Variants in SLC17A8 observed in about 807,000 individuals in gnomAD.
SLC17A8 encodes solute carrier family 17 member 8.
A neutral mutation model predicts 58.0 loss-of-function variants in SLC17A8; 31 were observed. The ratio of observed to expected loss-of-function variants is 0.53; its 90% CI spans 0.40 to 0.72. The LOEUF (loss-of-function observed/expected upper bound fraction) is 0.72, where lower values mean the gene tolerates loss of function less well. SLC17A8 is among the 30% of genes least tolerant of loss of function. SLC17A8 has a pLI of 0.00. For missense variants in SLC17A8, 655 were observed against 727.8 expected (o/e 0.90, Z 1.15); for synonymous variants, 228 against 249.0 (o/e 0.92, Z 0.79).
At position 100,420,427 on chromosome 12, in the gene SLC17A8, A is replaced by T; in HGVS notation, c.*268A>T. 1 of 411,700 alleles carries T rather than the reference A, an allele frequency of 2.4e-6. No individual in the cohort carries two copies. The highest frequency in any genetic ancestry group is 2.0e-5 in the African/African-American group (1 of 50,430). The allele number at this position is 411,700 out of a possible 1,614,324, so 25.5% of individuals were successfully genotyped here. A position where few individuals can be genotyped will look rare whatever the true frequency, so the allele number is the denominator to read the frequency against. On this transcript the variant is annotated 3_prime_UTR_variant, in exon 12 of 12. Coordinates refer to ENST00000323346, the MANE Select transcript of SLC17A8 (RefSeq NM_139319.3). ...AGCTAAACTTATTCAGAAAGGAATG[A>T]CTAGAAGAAAAAGGAGACAATACCA...
rs560354278 is a variant in SLC17A8 at position 100,367,544 on chromosome 12, C to A, written c.101+10052C>A. Among the ~76,000 whole-genome samples, 7 of 152,130 alleles carry A rather than the reference C, an allele frequency of 4.6e-5. No homozygotes were observed. In the South Asian group the frequency reaches 1.2e-3, roughly 27 times the overall value. ...CTCCTGGAATGGATAATTTTTTATTCTTTTATTTATTTATTTATTTATTTG... is the reference window on the plus strand; with the variant it reads ...CTCCTGGAATGGATAATTTTTTATTATTTTATTTATTTATTTATTTATTTG... On this transcript the variant is annotated intron_variant, in intron 1 of 11. Transcript: ENST00000323346.
chr12:100,373,707 C>A (rs1348090808), intron 1 of SLC17A8, among the ~76,000 whole-genome samples: 1 of 151,816 alleles, frequency 6.6e-6, no homozygotes, highest in Non-Finnish European at 1.5e-5. Flanking sequence ...GCCTCAGCCT[C>A]CCGAGTAGCT....
At chr12:100,402,529 T>A (rs781210409) in intron 7 of SLC17A8, 50 bp downstream of exon 7, 41 of 1,613,192 alleles carry the variant, frequency 2.5e-5, no homozygotes, top group Non-Finnish European at 3.5e-5. Flanking sequence ...TAAGTGATTG[T>A]GTTGCCTTCT....
At chr12:100,361,838 A>G (rs1952486916) in intron 1 of SLC17A8, among the ~76,000 whole-genome samples, 2 of 152,108 alleles carry the variant, frequency 1.3e-5, no homozygotes, top group African/African-American at 4.8e-5. Context: ...GCATGTGCCT[A>G]TAGTCGTAGC....
chr12:100,370,754 T>G (rs1952553809), intron 1 of SLC17A8, among the ~76,000 whole-genome samples: 1 of 152,224 alleles, frequency 6.6e-6, no homozygotes, highest in South Asian at 2.1e-4. Context: ...GAGACTATCT[T>G]TTTTTCCTCT....
At chr12:100,379,429 C>T (rs1445100195) in intron 1 of SLC17A8, among the ~76,000 whole-genome samples, 33 of 92,386 alleles carry the variant, frequency 3.6e-4, no homozygotes, top group African/African-American at 1.6e-3. Context: ...ACCGAGATTC[C>T]GTCCCCAAAA....
At chr12:100,401,702 C>T in intron 5 of SLC17A8, 75 bp from the exon 6 acceptor site, 1 of 1,192,516 alleles carries the variant, frequency 8.4e-7, no homozygotes, top group South Asian at 1.2e-5. Context: ...CCTGACTTTA[C>T]CATATGAATT....
chr12:100,390,913 G>A lies in SLC17A8; in HGVS notation c.355-88G>A, dbSNP rs11568532. 47 of 853,100 alleles carry A rather than the reference G, an allele frequency of 5.5e-5. 1 individual carries two copies. The Middle Eastern group carries it at 6.6e-4, about 12-fold the overall frequency. 52.8% of individuals were successfully genotyped at this position (853,100 alleles called of 1,614,324 possible). A position where few individuals can be genotyped will look rare whatever the true frequency, so the allele number is the denominator to read the frequency against. On this transcript the variant is annotated intron_variant, in intron 2 of 11. Transcript: ENST00000323346. ...ATAAATGAAAAAAGAAAGACCTCAT[G>A]AGGTAATTATTGTGTAGGCTCATTG... is the stretch of plus-strand genomic sequence containing the variant.
intron 10 of SLC17A8, among the ~76,000 whole-genome samples, chr12:100,416,380 T>C (rs1657536807): frequency 6.6e-6 from 1 of 152,242 alleles, no homozygotes; most frequent in South Asian, 2.1e-4. Flanking sequence ...CTTGCAGCTG[T>C]TTTATATTCT....
At chr12:100,361,909 C>A (rs771007443) in intron 1 of SLC17A8, among the ~76,000 whole-genome samples, 2 of 151,030 alleles carry the variant, frequency 1.3e-5, no homozygotes, top group Non-Finnish European at 3.0e-5. Flanking sequence ...TGCAGTGAGC[C>A]GAGATCACAC....
At chr12:100,409,273 C>T (rs1363513030) in intron 9 of SLC17A8, among the ~76,000 whole-genome samples, 1 of 152,060 alleles carries the variant, frequency 6.6e-6, no homozygotes, top group South Asian at 2.1e-4. Flanking sequence ...GCAACCTCCA[C>T]CTCCCGGTTT....
chr12:100,397,250 T>C (rs1409875155), intron 5 of SLC17A8, among the ~76,000 whole-genome samples: 1 of 152,212 alleles, frequency 6.6e-6, no homozygotes, highest in African/African-American at 2.4e-5. Context: ...TCTTTTTATA[T>C]GAAACTAAAG....
At position 100,396,426 on chromosome 12, in the gene SLC17A8, A is replaced by G. The variant is rs1037725494; in HGVS notation, c.676+9A>G. 1.2e-6 allele frequency: 2 copies of G among 1,611,312 alleles called. No individual in the cohort carries two copies. Among genetic ancestry groups the G allele is most frequent in the Non-Finnish European group, 1.7e-6 (2 of 1,177,674 alleles). The stretch of plus-strand genomic sequence containing the variant: ...CACAACCTCTTTTTGTGGTGGGTAT[A>G]TTAGAATCGTAACAAATTTTATTTA... On this transcript the variant is annotated intron_variant, in intron 5 of 11. Transcript: ENST00000323346.
At chr12:100,358,362 A>G (rs558873543) in intron 1 of SLC17A8, among the ~76,000 whole-genome samples, 1 of 152,276 alleles carries the variant, frequency 6.6e-6, no homozygotes, top group Admixed American at 6.5e-5. Context: ...TGAAAATGCC[A>G]TCTGGTGTGT....
At chr12:100,364,743 A>T (rs1952508145) in intron 1 of SLC17A8, among the ~76,000 whole-genome samples, 1 of 152,144 alleles carries the variant, frequency 6.6e-6, no homozygotes, top group African/African-American at 2.4e-5. Flanking sequence ...CCTGACCTCC[A>T]GTGAGGTCAT....
chr12:100,412,730 T>A (rs372032494), intron 9 of SLC17A8, 40 bp from the exon 10 acceptor site: 2 of 1,368,324 alleles, frequency 1.5e-6, no homozygotes, highest in Non-Finnish European at 1.0e-6. Context: ...TTGACCGATA[T>A]GAAAATGACA....
At chr12:100,379,834 T>C (rs1952621002) in intron 1 of SLC17A8, among the ~76,000 whole-genome samples, 1 of 152,042 alleles carries the variant, frequency 6.6e-6, no homozygotes, top group South Asian at 2.1e-4. Context: ...GAGAAAAGGA[T>C]ATACAACCAA....
rs768082020 is a variant in SLC17A8, at chr12:100,412,912, C to T, written c.1297+32C>T. ...TGTCCTTTGGGTTTCCAGATCTTGA[C>T]TATAGATTCAACAAGTCCCAGGAAG... On this transcript the variant is annotated intron_variant, in intron 10 of 11. Coordinates refer to ENST00000323346, the MANE Select transcript of SLC17A8 (RefSeq NM_139319.3). 6 of 1,513,034 alleles carry T rather than the reference C, an allele frequency of 4.0e-6. No homozygotes were observed. In the South Asian group the frequency reaches 6.7e-5, roughly 17 times the overall value. The allele number at this position is 1,513,034 out of a possible 1,614,324, so 93.7% of individuals were successfully genotyped here.
chr12:100,415,114 G>A (rs527671185), intron 10 of SLC17A8, among the ~76,000 whole-genome samples: 2 of 152,200 alleles, frequency 1.3e-5, no homozygotes, highest in Non-Finnish European at 2.9e-5. Flanking sequence ...CAATCTGAAG[G>A]AGAGAAACCC....
Sources: allele counts gnomAD v4.1 joint callset (sites outside exome capture counted in the v4.1 genomes callset), GRCh38; gene constraint gnomAD v4.1.1; transcripts MANE v1.5; gene names NCBI Gene and HGNC (gene_info 2026-07-23, HGNC 2026-07-21).